The following PRSS53 variants were observed in gnomAD, a reference collection of about 807,000 sequenced individuals.
The protein encoded by PRSS53 is EDTP308.
A neutral mutation model predicts 62.7 loss-of-function variants in PRSS53; 54 were observed. The observed-to-expected ratio is 0.86, with a 90% confidence interval of 0.69 to 1.08. The LOEUF (loss-of-function observed/expected upper bound fraction) is 1.08, where lower values mean the gene tolerates loss of function less well. PRSS53 is among the 50% of genes least tolerant of loss of function. The pLI, the probability that PRSS53 is intolerant of heterozygous loss-of-function variation, is 0.00. For synonymous variants in PRSS53, 273 were observed against 300.0 expected (o/e 0.91, Z 0.93); for missense variants, 688 against 728.3 (o/e 0.94, Z 0.64).
At chr16:31,088,495 A>C (rs1466879166) in intron 1 of PRSS53, 2 of 1,378,994 alleles carry the variant, frequency 1.5e-6, no homozygotes, top group Non-Finnish European at 1.9e-6. Flanking sequence ...GGCACAGGAC[A>C]CACGCAGGCA....
In PRSS53 at chr16:31,084,951, G is replaced by A. The variant is rs376368418; in HGVS notation, c.1108C>T (p.Leu370=). The change falls in exon 8 of 11, where the codon CTG becomes TTG. Residue 370 remains leucine (L), a synonymous_variant. Transcript: ENST00000280606. The stretch of plus-strand genomic sequence containing the variant: ...TCAGGGTGGGTGTAGGCTCCATGCA[G>A]GATGAGCTGCTTCAGGCCCCACTCC... 41 of 1,551,572 alleles carry A rather than the reference G, an allele frequency of 2.6e-5. No individual in the cohort carries two copies. In the African/African-American group the frequency reaches 5.1e-4, roughly 19 times the overall value.
chr16:31,084,404 G>A (rs930610410), intron 9 of PRSS53, 69 bp from the exon 10 acceptor site: 2 of 1,521,826 alleles, frequency 1.3e-6, no homozygotes. Context: ...AGCAGGCTAG[G>A]GAACCTCTGG....
chr16:31,085,312 C>G, intron 6 of PRSS53, 52 bp from the exon 7 acceptor site: 1 of 1,474,542 alleles, frequency 6.8e-7, no homozygotes, highest in Non-Finnish European at 9.0e-7. Flanking sequence ...TTCCCACTTC[C>G]CATCAAATCC....
intron 1 of PRSS53, chr16:31,088,444 A>T: frequency 7.8e-7 from 1 of 1,276,878 alleles, no homozygotes; most frequent in Non-Finnish European, 1.0e-6. Flanking sequence ...AGAGGAGCCC[A>T]GAGTTTGCCT....
Position 31,084,237 on chromosome 16 carries a change from C to T in PRSS53, c.1524G>A (p.Pro508=), listed in dbSNP as rs56909237. The change falls in exon 10 of 11, where the codon CCG becomes CCA. Residue 508 remains proline (P), a synonymous_variant. Coordinates refer to ENST00000280606, the Ensembl canonical transcript of PRSS53. ...AGGCAGGGAGCGCGGTGAAGACCGC[C>T]GGCCTGGCGGGGCCTTGGCAAGCAT... 0.012 allele frequency: 18,539 copies of T among 1,611,874 alleles called. 1,534 individuals are homozygous for T. In the African/African-American group the frequency reaches 0.2, roughly 17 times the overall value.
intron 1 of PRSS53, 37 bp from the exon 2 acceptor site, chr16:31,087,863 C>G: frequency 6.2e-7 from 1 of 1,612,862 alleles, no homozygotes; most frequent in Non-Finnish European, 8.5e-7. Context: ...TGCAGGGACT[C>G]CAGGCCTGCC....
chr16:31,087,187 TG>T, intron 3 of PRSS53: 1 of 519,058 alleles, frequency 1.9e-6, no homozygotes, highest in Non-Finnish European at 3.4e-6. Flanking sequence ...TGTAGAGACA[TG>T]GTCTTGCTAT....
chr16:31,083,716 G>A (rs1158265675), exon 11 of PRSS53: 1 of 1,612,366 alleles, frequency 6.2e-7, no homozygotes, highest in East Asian at 2.2e-5. Flanking sequence ...CACATGACAG[G>A]GTGGGGAGGA....
Position 31,087,530 on chromosome 16 carries a change from G to A in PRSS53, c.242+7C>T, listed in dbSNP as rs763261877. ...GGAGACCCTGCCTGACCCCAGCCAT[G>A]ACTTACTTTTCAAAGCAGTGGGCAG... On this transcript the variant is annotated splice_region_variant and intron_variant, in intron 3 of 10. Transcript: ENST00000280606. The A allele has an allele frequency of 3.7e-5, 60 of 1,610,806 alleles. 2 individuals are homozygous for A. The South Asian group carries it at 6.4e-4, about 17-fold the overall frequency.
chr16:31,084,837 G>T lies in PRSS53; in HGVS notation c.1222C>A (p.His408Asn), dbSNP rs1356101834. Residue 408 changes from histidine (H) to asparagine (N), a missense_variant, in exon 8 of 11, where the codon CAC (histidine) becomes AAC (asparagine). Coordinates refer to ENST00000280606, the Ensembl canonical transcript of PRSS53. ...CCACGCTCCCCATCAGGCAGGTGGT[G>T]GTCAGGATAGGGCAGGCAGAGGGGC... The T allele has an allele frequency of 3.9e-6, 6 of 1,548,046 alleles. No homozygotes were observed. The African/African-American group carries it at 8.2e-5, about 21-fold the overall frequency.
At chr16:31,084,874 T>C (rs1470717473) in exon 8 of PRSS53, 17 of 1,547,874 alleles carry the variant, frequency 1.1e-5, no homozygotes, top group Non-Finnish European at 1.5e-5. Flanking sequence ...GCAGGCTGGC[T>C]CCCAGTGTCA....
At chr16:31,085,282 T>C in intron 6 of PRSS53, 22 bp from the exon 7 acceptor site, 6 of 1,519,410 alleles carry the variant, frequency 3.9e-6, no homozygotes, top group Non-Finnish European at 5.3e-6. Context: ...AAGTGCCTCA[T>C]CTGACTTCTT....
chr16:31,087,552 G>A (rs766744026), exon 3 of PRSS53: 2 of 1,613,238 alleles, frequency 1.2e-6, no homozygotes, highest in South Asian at 1.1e-5. Flanking sequence ...AAAGCAGTGG[G>A]CAGCAGTGAG....
chr16:31,084,156 C>T (rs774231704), exon 10 of PRSS53: 30 of 1,597,240 alleles, frequency 1.9e-5, no homozygotes, highest in South Asian at 1.7e-4. Flanking sequence ...CAGCCTCGGG[C>T]TCTGGTTCCT....
chr16:31,083,996 T>C, intron 10 of PRSS53, 123 bp downstream of exon 10: 2 of 1,496,174 alleles, frequency 1.3e-6, no homozygotes, highest in South Asian at 1.3e-5. Flanking sequence ...CTGAATCAAA[T>C]GGGTCTGCCT....
rs1023346030 is a variant in PRSS53 at position 31,084,501 on chromosome 16, A to T, written c.1425+57T>A. ...AGCCTGGAAGGTCCGTTCTTGAGCTATTGGGTGAGGGGATGCCAGGGGCCT... is the reference window on the plus strand; with the variant it reads ...AGCCTGGAAGGTCCGTTCTTGAGCTTTTGGGTGAGGGGATGCCAGGGGCCT... On this transcript the variant is annotated intron_variant, in intron 9 of 10. Coordinates refer to ENST00000280606, the Ensembl canonical transcript of PRSS53. The T allele has an allele frequency of 1.0e-5, 16 of 1,558,394 alleles. No individual in the cohort carries two copies. The African/African-American group carries it at 2.2e-4, about 21-fold the overall frequency.
chr16:31,083,527 T>C, exon 11 of PRSS53: 1 of 1,372,178 alleles, frequency 7.3e-7, no homozygotes, highest in Non-Finnish European at 9.4e-7. Context: ...GCTGGCGTGA[T>C]TGTATCTGAA....
exon 10 of PRSS53, chr16:31,084,122 T>A: frequency 6.3e-7 from 1 of 1,574,838 alleles, no homozygotes; most frequent in Non-Finnish European, 8.6e-7. Context: ...CACATACTTA[T>A]GTTGGCCAGG....
intron 5 of PRSS53, 36 bp from the exon 6 acceptor site, chr16:31,086,219 G>A: frequency 3.8e-6 from 6 of 1,596,578 alleles, no homozygotes; most frequent in Non-Finnish European, 4.3e-6. Flanking sequence ...ACAGATGCCT[G>A]AGCCCAGCTA....
Sources: gnomAD v4.1 joint callset for allele counts on GRCh38, gnomAD v4.1.1 for gene constraint, MANE v1.5 for transcripts, NCBI Gene and HGNC (gene_info 2026-07-23, HGNC 2026-07-21) for gene names.